ACAP3: variants seen among roughly 807,000 people sequenced by gnomAD.
The protein encoded by ACAP3 is ArfGAP with coiled-coil, ankyrin repeat and PH domains 3, also known as arf-GAP with coiled-coil, ANK repeat and PH domain-containing protein 3.
In ACAP3, 56 loss-of-function variants were observed where a neutral mutation model predicts 104.1. That is an observed-to-expected ratio of 0.54 (90% CI 0.43 to 0.67). The LOEUF is 0.67. Ranked by LOEUF, ACAP3 falls within the 30% of genes least tolerant of loss-of-function variation. The pLI is 0.00. For missense variants in ACAP3, 1,208 were observed against 1,174.9 expected, an observed-to-expected ratio of 1.03 and a Z score of -0.41; for synonymous variants, 628 against 496.2, an observed-to-expected ratio of 1.27 and a Z score of -3.53.
chr1:1,293,661 G>C lies in ACAP3; in HGVS notation c.2408C>G (p.Ala803Gly). 6.8e-7 allele frequency: 1 copy of C among 1,469,488 alleles called. No homozygotes were observed. The highest frequency in any genetic ancestry group is 1.3e-5 in the South Asian group (1 of 77,838). The allele number at this position is 1,469,488 out of a possible 1,614,324, so 91.0% of individuals were successfully genotyped here. ...CGCCAGGGCGCCCGGGGGACCAGGG[G>C]CAGCCTCGGCCTCGCGCATTTCCTC... Reference protein sequence around the residue: ...MAEEMREAEAAPGPPGALAGS... With the variant: ...MAEEMREAEAGPGPPGALAGS... Residue 803 changes from alanine (A) to glycine (G), a missense_variant, in exon 24 of 24, where the codon GCC becomes GGC. Transcript: ENST00000354700.
chr1:1,297,786 T>C (rs1005453295), intron 14 of ACAP3, 36 bp downstream of exon 14: 8 of 1,595,042 alleles, frequency 5.0e-6, no homozygotes, highest in East Asian at 4.5e-5. Context: ...CACGTGTGTG[T>C]GCACGGGCTT....
At position 1,293,880 on chromosome 1, in the gene ACAP3, T is replaced by C; in HGVS notation, c.2303A>G (p.Glu768Gly). ...RGADQHALDQ[E>G]QRDPLAIAVQ... ...TGCGATGGCCAACGGGTCCCGCTGC[T>C]CTTGGTCCAGGGCGTGCTGGTCCGC... The change falls in exon 23 of 24, where the codon GAG becomes GGG. Residue 768 changes from glutamate (E) to glycine (G), a missense_variant. Transcript: ENST00000354700. 1 of 1,578,958 alleles carries C rather than the reference T, an allele frequency of 6.3e-7. No individual in the cohort carries two copies. Among genetic ancestry groups the C allele is most frequent in the Non-Finnish European group, 8.6e-7 (1 of 1,166,020 alleles).
intron 14 of ACAP3, among the ~76,000 whole-genome samples, chr1:1,297,112 T>TGC (rs1419859656): frequency 6.6e-6 from 1 of 151,692 alleles, no homozygotes; most frequent in African/African-American, 2.4e-5. Flanking sequence ...CGTAGGTGTG[T>TGC]GCACCGGCAC....
rs751422776 is a variant in ACAP3 at position 1,297,859 on chromosome 1, G to A, written c.1091C>T (p.Ser364Phe). The A allele has an allele frequency of 1.2e-6, 2 of 1,611,814 alleles. No individual in the cohort carries two copies. The highest frequency in any genetic ancestry group is 2.7e-5 in the African/African-American group (2 of 74,898). ...ACTGTCAGGGCTCTCGCGGTAGGCG[G>A]AGGCGATGCTGGCCTGCACAGCCTG... is the stretch of plus-strand genomic sequence containing the variant. ...WVQAVQASIA[S>F]AYRESPDSCY... Residue 364 changes from serine (S) to phenylalanine (F), a missense_variant, in exon 14 of 24, where the codon TCC becomes TTC. By Grantham distance (155) the Ser-to-Phe change is radical. Coordinates refer to ENST00000354700, the MANE Select transcript of ACAP3 (RefSeq NM_030649.3).
chr1:1,293,775 C>CCCTGCCCTGGAGGCCCCGCT, intron 23 of ACAP3, 48 bp downstream of exon 23: 1 of 1,527,908 alleles, frequency 6.5e-7, no homozygotes, highest in Non-Finnish European at 8.7e-7. Flanking sequence ...GAGGCCCCGC[C>CCCTGCCCTGGAGGCCCCGCT]CCTGCCCTGG....
In ACAP3 at chr1:1,300,142, G is replaced by T; in HGVS notation, c.567+16C>A. On this transcript the variant is annotated intron_variant, in intron 7 of 23. Coordinates refer to ENST00000354700, the MANE Select transcript of ACAP3 (RefSeq NM_030649.3). ...AACATGCAGCCTGTGCTCAGGGGCA[G>T]CCCCCACGCACTCACAGAGTCCAGG... The T allele has an allele frequency of 6.2e-7, 1 of 1,609,872 alleles. No individual in the cohort carries two copies.
chr1:1,294,367 C>G lies in ACAP3; in HGVS notation c.2139+35G>C, dbSNP rs779637129. ...AGAAGATGCAAACGCGACTGTGCAC[C>G]TGTGTCCTGCGCGCAGCCCCCGTGG... is the stretch of plus-strand genomic sequence containing the variant. On this transcript the variant is annotated intron_variant, in intron 21 of 23. Transcript: ENST00000354700. The G allele has an allele frequency of 4.5e-6, 7 of 1,547,182 alleles. No homozygotes were observed. In the East Asian group the frequency reaches 1.5e-4, roughly 32 times the overall value.
At position 1,303,591 on chromosome 1, in the gene ACAP3, C is replaced by A. The variant is rs928124405; in HGVS notation, c.106-310G>T. ...GCTCATGGATAAGGCTGCCCACTCC[C>A]AGCTCCACGGCCTGTTGCCCCCTCC... On this transcript the variant is annotated intron_variant, in intron 2 of 23. Transcript: ENST00000354700. The surrounding 1 kb of genome is among the most constrained non-coding windows in gnomAD (Gnocchi z 4.0). 6.0e-6 allele frequency: 3 copies of A among 496,164 alleles called. No homozygotes were observed. In the Admixed American group the frequency reaches 1.1e-4, roughly 18 times the overall value. 30.7% of individuals were successfully genotyped at this position (496,164 alleles called of 1,614,324 possible).
intron 22 of ACAP3, 75 bp from the exon 23 acceptor site, chr1:1,294,008 A>G (rs1353337146): frequency 2.0e-6 from 3 of 1,466,618 alleles, no homozygotes; most frequent in African/African-American, 1.5e-5. Context: ...GCGTGGCCGG[A>G]TAGGGCATGG....
rs781672997 is a variant in ACAP3, at chr1:1,296,141, G to T, written c.1408-32C>A. 5.0e-6 allele frequency: 8 copies of T among 1,611,546 alleles called. 1 individual carries two copies. The South Asian group carries it at 8.8e-5, about 18-fold the overall frequency. On this transcript the variant is annotated intron_variant, in intron 16 of 23. Transcript: ENST00000354700. ...GGAGACAGGGCGAGCAGGCATCAGT[G>T]CGAACCTGCAGACCCCAGCTCCCGC...
rs1350182756 is a variant in ACAP3, at chr1:1,293,267, T to C, written c.*297A>G. On this transcript the variant is annotated 3_prime_UTR_variant, in exon 24 of 24. Coordinates refer to ENST00000354700, the MANE Select transcript of ACAP3 (RefSeq NM_030649.3). ...TGACACGGGCCTTAAAAGTGGCTTG[T>C]GACATGAGCAACCCAGGCCCCTGAA... The C allele has an allele frequency of 1.8e-5, 4 of 221,478 alleles. No individual in the cohort carries two copies. The highest frequency in any genetic ancestry group is 9.3e-5 in the African/African-American group (4 of 42,894). The allele number at this position is 221,478 out of a possible 1,614,324, so 13.7% of individuals were successfully genotyped here.
chr1:1,300,435 G>A (rs767547549), intron 6 of ACAP3, 74 bp downstream of exon 6: 1 of 1,471,810 alleles, frequency 6.8e-7, no homozygotes, highest in African/African-American at 1.4e-5. Flanking sequence ...AATCCCTCCA[G>A]TTCTGTACAA....
At chr1:1,297,990 C>T (rs565218133) in intron 13 of ACAP3, 23 bp downstream of exon 13, 3 of 1,611,306 alleles carry the variant, frequency 1.9e-6, no homozygotes, top group Non-Finnish European at 1.7e-6. Context: ...CCCCCCGCCC[C>T]ACCCTGGGCT....
At chr1:1,299,507 A>C (rs1570649136) in intron 9 of ACAP3, 151 bp from the exon 10 acceptor site, 1 of 977,398 alleles carries the variant, frequency 1.0e-6, no homozygotes, top group South Asian at 1.9e-5. Context: ...CAAAATAGCC[A>C]CTCCTGCCTG....
chr1:1,296,308 G>T, intron 15 of ACAP3, 28 bp from the exon 16 acceptor site: 2 of 1,551,428 alleles, frequency 1.3e-6, no homozygotes, highest in Non-Finnish European at 8.7e-7. Flanking sequence ...GGATGAGTCT[G>T]GGGGAGGCAA....
At position 1,303,526 on chromosome 1, in the gene ACAP3, AC is replaced by A; in HGVS notation, c.106-246del. On this transcript the variant is annotated intron_variant, in intron 2 of 23. Transcript: ENST00000354700. This position sits in a 1 kb window ranked among gnomAD's most constrained non-coding sequence, Gnocchi z 4.0. ...GGAGGGACCAGGAGCCAGGCAGGGG[AC>A]CCAGGGCCAGCAGGACCAGCAGAAC... 1 of 598,644 alleles carries A rather than the reference AC, an allele frequency of 1.7e-6. No homozygotes were observed. Among genetic ancestry groups the A allele is most frequent in the Non-Finnish European group, 2.9e-6 (1 of 344,980 alleles). 37.1% of individuals were successfully genotyped at this position (598,644 alleles called of 1,614,324 possible).
intron 19 of ACAP3, 49 bp downstream of exon 19, chr1:1,295,398 G>A (rs1557596967): frequency 6.4e-7 from 1 of 1,560,994 alleles, no homozygotes; most frequent in Non-Finnish European, 8.8e-7. Flanking sequence ...CTTCAGGCCA[G>A]CCTCCTTGGC....
chr1:1,298,263 C>T (rs781429071), intron 12 of ACAP3, 107 bp downstream of exon 12: 67 of 1,583,026 alleles, frequency 4.2e-5, no homozygotes, highest in South Asian at 9.1e-5. Flanking sequence ...CCGGCTCCGG[C>T]GTCCACTAGT....
At chr1:1,298,213 G>A (rs191516008) in intron 12 of ACAP3, 100 bp from the exon 13 acceptor site, 1 of 1,566,840 alleles carries the variant, frequency 6.4e-7, no homozygotes, top group African/African-American at 1.3e-5. Flanking sequence ...GACTGCCTGA[G>A]CCCCAAGCCC....
Sources: gnomAD v4.1 joint callset for allele counts (sites outside exome capture counted in the v4.1 genomes callset) on GRCh38, gnomAD v4.1.1 for gene constraint, Gnocchi (gnomAD v3.1) non-coding constraint, MANE v1.5 for transcripts, NCBI Gene and HGNC (gene_info 2026-07-23, HGNC 2026-07-21) for gene names.